ARID3C: variants seen among roughly 807,000 people sequenced by gnomAD.
The protein encoded by ARID3C is AT-rich interactive domain-containing protein 3C.
A neutral mutation model predicts 37.9 loss-of-function variants in ARID3C; 42 were observed. The ratio of observed to expected loss-of-function variants is 1.11; its 90% confidence interval spans 0.87 to 1.43. The LOEUF (loss-of-function observed/expected upper bound fraction) is 1.43. Ranked by LOEUF, ARID3C falls within the 40% of genes most tolerant of loss-of-function variation. ARID3C has a pLI of 0.00. For missense variants in ARID3C, 581 were observed against 548.8 expected, an observed-to-expected ratio of 1.06 and a Z score of -0.59; for synonymous variants, 213 against 228.0, an observed-to-expected ratio of 0.93 and a Z score of 0.59.
At chr9:34,623,808 C>T (rs1477341297) in intron 3 of ARID3C, 56 bp downstream of exon 4, 1 of 1,502,622 alleles carries the variant, frequency 6.7e-7, no homozygotes, top group East Asian at 2.5e-5. Flanking sequence ...CCTCCCCCCT[C>T]CCGCCCCAGG....
At chr9:34,628,300 C>T (rs925631031), upstream of ARID3C, among the ~76,000 whole-genome samples, 2 of 151,836 alleles carry the variant, frequency 1.3e-5, no homozygotes, top group African/African-American at 2.4e-5. The surrounding 1 kb of genome is among the most constrained non-coding windows in gnomAD (Gnocchi z 5.2). Context: ...GAGAGGGTGA[C>T]GGGGACCAAG....
At chr9:34,621,979 CCT>C (rs1820570640) in intron 6 of ARID3C, 39 bp downstream of exon 7, 1 of 1,592,590 alleles carries the variant, frequency 6.3e-7, no homozygotes, top group Non-Finnish European at 8.6e-7. Context: ...CCTAAATACC[CCT>C]GACCCCATGC....
rs527399007 is a variant in ARID3C at position 34,623,779 on chromosome 9, C to G, written c.576-65G>C. On this transcript the variant is annotated intron_variant, in intron 3 of 6. Transcript: ENST00000378909. ...CACCCAGCTGGTCAAGTCCCACAGC[C>G]GGACGCCCGCCCGGGGACCCTCCCC... The G allele has an allele frequency of 4.0e-6, 6 of 1,499,864 alleles. No homozygotes were observed. The African/African-American group carries it at 8.3e-5, about 21-fold the overall frequency. 92.9% of individuals were successfully genotyped at this position (1,499,864 alleles called of 1,614,324 possible).
Position 34,623,472 on chromosome 9 carries a change from AG to A in ARID3C, c.817del (p.Leu273CysfsTer9). The stretch of plus-strand genomic sequence containing the variant: ...CAGCTGAGCGCATGCATGCGCTGGC[AG>A]GCCGGAGGTGGAACCCTGGGCTGGG... On this transcript the variant is annotated frameshift_variant, in exon 4 of 7. Coordinates refer to ENST00000378909, the Ensembl canonical transcript of ARID3C. LOFTEE classifies it high-confidence loss of function. 6.5e-7 allele frequency: 1 copy of A among 1,536,976 alleles called. No homozygotes were observed. Among genetic ancestry groups the A allele is most frequent in the Non-Finnish European group, 8.7e-7 (1 of 1,146,054 alleles).
chr9:34,621,578 A>C lies in ARID3C; in HGVS notation c.1139-20T>G. ...GGACACCTGGCAAAGGGGTGAGGAG[A>C]TGGTAGAGGGCAAAAACAAGCAGGA... On this transcript the variant is annotated intron_variant, in intron 6 of 6. Transcript: ENST00000378909. 1 of 1,560,232 alleles carries C rather than the reference A, an allele frequency of 6.4e-7. No individual in the cohort carries two copies. The highest frequency in any genetic ancestry group is 8.6e-7 in the Non-Finnish European group (1 of 1,160,078).
At chr9:34,623,795 G>GTCCCGCC in intron 3 of ARID3C, 69 bp downstream of exon 4, 6 of 1,504,650 alleles carry the variant, frequency 4.0e-6, no homozygotes, top group Non-Finnish European at 5.3e-6. Context: ...CCCGCCCGGG[G>GTCCCGCC]ACCCTCCCCC....
At chr9:34,625,280 TCTC>T (rs1460042850) in intron 2 of ARID3C, among the ~76,000 whole-genome samples, 1 of 152,096 alleles carries the variant, frequency 6.6e-6, no homozygotes, top group Non-Finnish European at 1.5e-5. Flanking sequence ...GAAAGGAATT[TCTC>T]CTCCTCCACA....
chr9:34,626,778 A>C (rs1263023466), intron 1 of ARID3C, among the ~76,000 whole-genome samples: 1 of 152,224 alleles, frequency 6.6e-6, no homozygotes, highest in Non-Finnish European at 1.5e-5. Flanking sequence ...ACCTAGGAGA[A>C]ACAGTCTCTA....
chr9:34,625,790 T>G (rs777283348), exon 2 of ARID3C: 1 of 1,614,044 alleles, frequency 6.2e-7, no homozygotes, highest in East Asian at 2.2e-5. Context: ...TCCTTCCTCT[T>G]GGGGTCTGCA....
chr9:34,630,070 T>C (rs1820709750), upstream of ARID3C, among the ~76,000 whole-genome samples: 1 of 152,194 alleles, frequency 6.6e-6, no homozygotes. Context: ...GCCTGTATTA[T>C]GAAAATTTTG....
At chr9:34,630,338 C>A (rs953390108), upstream of ARID3C, among the ~76,000 whole-genome samples, 2 of 152,086 alleles carry the variant, frequency 1.3e-5, no homozygotes, top group African/African-American at 2.4e-5. Flanking sequence ...ACAGCCTGGA[C>A]CCCACTCCTC....
intron 1 of ARID3C, 46 bp from the exon 3 acceptor site, chr9:34,625,860 C>T (rs1303367627): frequency 1.2e-6 from 2 of 1,606,434 alleles, no homozygotes; most frequent in Non-Finnish European, 8.5e-7. Context: ...GACTCCCCCT[C>T]CCTCCCTTGA....
At chr9:34,625,009 G>T (rs764450858) in intron 2 of ARID3C, among the ~76,000 whole-genome samples, 5 of 152,108 alleles carry the variant, frequency 3.3e-5, no homozygotes, top group Non-Finnish European at 7.4e-5. Flanking sequence ...ACCAGAAAGA[G>T]GTGCTGGGGT....
intron 4 of ARID3C, among the ~76,000 whole-genome samples, 194 bp downstream of exon 5, chr9:34,623,231 A>G (rs942996105): frequency 1.3e-5 from 2 of 151,622 alleles, no homozygotes; most frequent in Admixed American, 6.6e-5. Flanking sequence ...CGTACCCCAG[A>G]GCTCTCATTT....
rs760812117 is a variant in ARID3C at position 34,621,414 on chromosome 9, C to G, written c.*44G>C. 9.7e-6 allele frequency: 13 copies of G among 1,333,480 alleles called. No individual in the cohort carries two copies. The African/African-American group carries it at 1.4e-4, about 14-fold the overall frequency. The allele number at this position is 1,333,480 out of a possible 1,614,324, so 82.6% of individuals were successfully genotyped here. A position where few individuals can be genotyped will look rare whatever the true frequency, so the allele number is the denominator to read the frequency against. ...GAATCAAAGCAGGGGGTCTCCTCCC[C>G]CCTCAGCAATGGGGCTGGGACTCTT... On this transcript the variant is annotated 3_prime_UTR_variant, in exon 7 of 7. Transcript: ENST00000378909.
At chr9:34,623,595 G>C in exon 4 of ARID3C, 1 of 1,609,452 alleles carries the variant, frequency 6.2e-7, no homozygotes, top group Non-Finnish European at 8.5e-7. Context: ...GAAGAGCGGA[G>C]TAGCGGTGTA....
chr9:34,624,971 C>T (rs916142255), intron 2 of ARID3C, among the ~76,000 whole-genome samples: 1 of 151,812 alleles, frequency 6.6e-6, no homozygotes, highest in Non-Finnish European at 1.5e-5. Flanking sequence ...ACTTAGGTCC[C>T]TACTGAGGGT....
chr9:34,623,609 C>T, exon 4 of ARID3C: 1 of 1,608,326 alleles, frequency 6.2e-7, no homozygotes, highest in Non-Finnish European at 8.5e-7. Flanking sequence ...CGGTGTAAGC[C>T]TGGCGACGGC....
At chr9:34,627,742 A>G in exon 1 of ARID3C, 2 of 1,613,076 alleles carry the variant, frequency 1.2e-6, no homozygotes, top group East Asian at 4.5e-5. Flanking sequence ...GATGGAGTCC[A>G]GGGGGCTGGC....
Sources: allele counts gnomAD v4.1 joint callset (sites outside exome capture counted in the v4.1 genomes callset), GRCh38; gene constraint gnomAD v4.1.1; non-coding constraint Gnocchi (gnomAD v3.1); transcripts MANE v1.5; gene names NCBI Gene and HGNC (gene_info 2026-07-23, HGNC 2026-07-21).